Variants in PLXND1 observed in about 807,000 individuals in gnomAD.
PLXND1 encodes the protein plexin D1.
In PLXND1, 54 loss-of-function variants were observed where a neutral mutation model predicts 197.7. That is an observed-to-expected ratio of 0.27 (90% CI 0.22 to 0.34). PLXND1 has a LOEUF of 0.34. Among genes scored for constraint, PLXND1 ranks in the 10% least tolerant of loss-of-function variants. The probability of loss-of-function intolerance (pLI) is 1.00; values close to 1 mark genes in which losing one functional copy is unlikely to be tolerated. For synonymous variants in PLXND1, 1,180 were observed against 1,161.2 expected (o/e 1.02, Z -0.33); for missense variants, 2,127 against 2,699.2 (o/e 0.79, Z 4.70).
chr3:129,561,867 C>G lies in PLXND1; in HGVS notation c.4862G>C (p.Arg1621Pro). 6.2e-7 allele frequency: 1 copy of G among 1,613,972 alleles called. No homozygotes were observed. Among genetic ancestry groups the G allele is most frequent in the Non-Finnish European group, 8.5e-7 (1 of 1,179,950 alleles). The change falls in exon 28 of 36, where the codon CGG becomes CCG. Residue 1621 changes from arginine (R) to proline (P), a missense_variant. Around this residue, in one of 6 missense-constraint regions of PLXND1, gnomAD observed 532 missense variants for 811.0 expected, o/e 0.66. Coordinates refer to ENST00000324093, the MANE Select transcript of PLXND1 (RefSeq NM_015103.3). ...FASSTQSYIL[R>P]DLDDTSVVED... ...CACCACTGAGGTGTCGTCCAGGTCCCGAAGGATGTAGCTCTGTGTGCTGGA... is the reference window on the plus strand; with the variant it reads ...CACCACTGAGGTGTCGTCCAGGTCCGGAAGGATGTAGCTCTGTGTGCTGGA...
At position 129,574,377 on chromosome 3, in the gene PLXND1, G is replaced by A; in HGVS notation, c.2644C>T (p.Gln882Ter). 6.2e-7 allele frequency: 1 copy of A among 1,610,838 alleles called. No homozygotes were observed. Among genetic ancestry groups the A allele is most frequent in the Non-Finnish European group, 8.5e-7 (1 of 1,179,108 alleles). The change falls in exon 12 of 36, where the codon CAG (glutamine) becomes TAG (stop). Residue 882 changes from glutamine to a stop codon, truncating the protein, a stop_gained. Coordinates refer to ENST00000324093, the MANE Select transcript of PLXND1 (RefSeq NM_015103.3). LOFTEE classifies it high-confidence loss of function. ...GCGGGGCAGGTGCCAGCCATGGGCT[G>A]CAGAGGCCCCCGCAGGCGGCAGCCA... Reference protein sequence around the residue: ...SDGCRLRGPLQPMAGTCPAPE... With the variant: ...SDGCRLRGPL
In PLXND1 at chr3:129,556,403, G is replaced by C; in HGVS notation, c.5687C>G (p.Pro1896Arg). ...CTGCAGTTGTGTCCTCCGGGCCGTG[G>C]GGTTGGCCTCCAGCGCGGCCATGAT... The part of the protein sequence containing the change: ...PQIMAALEAN[P>R]TARRTQLQHK... The change falls in exon 36 of 36, where the codon CCC (proline) becomes CGC (arginine). Residue 1896 changes from proline to arginine, a missense_variant. By Grantham distance (103) the Pro-to-Arg change is moderately radical. Coordinates refer to ENST00000324093, the MANE Select transcript of PLXND1 (RefSeq NM_015103.3). 1 of 1,614,168 alleles carries C rather than the reference G, an allele frequency of 6.2e-7. No individual in the cohort carries two copies. Among genetic ancestry groups the C allele is most frequent in the Non-Finnish European group, 8.5e-7 (1 of 1,179,976 alleles).
At chr3:129,562,690 G>A (rs1221339453) in intron 27 of PLXND1, 97 bp downstream of exon 27, 2 of 1,153,430 alleles carry the variant, frequency 1.7e-6, no homozygotes, top group African/African-American at 1.5e-5. Context: ...CCACATTCAT[G>A]CACCCATGCC....
Position 129,574,338 on chromosome 3 carries a change from C to T in PLXND1, c.2683G>A (p.Ala895Thr), listed in dbSNP as rs752323651. The T allele has an allele frequency of 1.4e-5, 23 of 1,597,532 alleles. No homozygotes were observed. Among genetic ancestry groups the T allele is most frequent in the African/African-American group, 4.0e-5 (3 of 74,484 alleles). ...AGTCPAPEIHAIEPLSGPLDG... is the reference protein window; with the variant it reads ...AGTCPAPEIHTIEPLSGPLDG... The stretch of plus-strand genomic sequence containing the variant: ...GTGCCTCCACTGGGCATGCTTACCG[C>T]GTGGATCTCGGGGGCGGGGCAGGTG... Residue 895 changes from alanine to threonine, a missense_variant and splice_region_variant, in exon 12 of 36, where the codon GCG becomes ACG. Ala to Thr is a moderately conservative substitution (Grantham distance 58). This residue lies in a region of PLXND1 where 1,095 missense variants were observed against 1,259.8 expected (regional missense o/e 0.87). Coordinates refer to ENST00000324093, the MANE Select transcript of PLXND1 (RefSeq NM_015103.3).
chr3:129,560,637 G>C (rs923466495), intron 30 of PLXND1, 52 bp downstream of exon 30: 5 of 1,398,146 alleles, frequency 3.6e-6, no homozygotes, highest in African/African-American at 1.4e-5. Context: ...AGAAAGCCAA[G>C]GCCACACCCA....
chr3:129,586,865 G>C (rs2085469493), intron 2 of PLXND1, 146 bp from the exon 3 acceptor site: 2 of 912,702 alleles, frequency 2.2e-6, no homozygotes, highest in East Asian at 5.3e-5. Context: ...GGGCGTGCAG[G>C]GGAGGGCACA....
In PLXND1 at chr3:129,573,716, A is replaced by G. The variant is rs757714408; in HGVS notation, c.2715T>C (p.Gly905=). Residue 905 remains glycine (G), a synonymous_variant, in exon 13 of 36, where the codon GGT becomes GGC. Coordinates refer to ENST00000324093, the MANE Select transcript of PLXND1 (RefSeq NM_015103.3). ...TTCCTCGGATGGTCAGCAGGGTCCC[A>G]CCGTCCAACGGGCCACTCAGGGGCT... is the stretch of plus-strand genomic sequence containing the variant. ...AIEPLSGPLD[G]GTLLTIRGRN... 1.9e-6 allele frequency: 3 copies of G among 1,613,644 alleles called. No individual in the cohort carries two copies. The highest frequency in any genetic ancestry group is 1.7e-6 in the Non-Finnish European group (2 of 1,180,002).
At chr3:129,575,665 G>T (rs773427720) in intron 10 of PLXND1, 101 bp downstream of exon 10, 3 of 1,229,728 alleles carry the variant, frequency 2.4e-6, no homozygotes, top group Non-Finnish European at 3.5e-6. Context: ...GCTGGGGATG[G>T]GGGAACCAGA....
At chr3:129,603,352 C>G (rs2085738306) in intron 1 of PLXND1, among the ~76,000 whole-genome samples, 1 of 152,184 alleles carries the variant, frequency 6.6e-6, no homozygotes, top group Non-Finnish European at 1.5e-5. Flanking sequence ...CCGTGGGAAC[C>G]AGAATGGTTC....
intron 20 of PLXND1, among the ~76,000 whole-genome samples, chr3:129,568,189 C>T (rs549084996): frequency 1.1e-3 from 172 of 152,192 alleles, no homozygotes; most frequent in Admixed American, 2.7e-3. Context: ...TTACTTTCTG[C>T]TTTTGAGCAT....
rs1047067440 is a variant in PLXND1, at chr3:129,556,075, C to G, written c.*237G>C. On this transcript the variant is annotated 3_prime_UTR_variant, in exon 36 of 36. Transcript: ENST00000324093. ...TGGGCAGATGGGGGAGCCTGACCAG[C>G]TCTCTGGCCTCCATCCCAGAGACTG... 1 of 512,242 alleles carries G rather than the reference C, an allele frequency of 2.0e-6. No homozygotes were observed. The highest frequency in any genetic ancestry group is 2.1e-5 in the South Asian group (1 of 47,492). The allele number at this position is 512,242 out of a possible 1,614,324, so 31.7% of individuals were successfully genotyped here. A position where few individuals can be genotyped will look rare whatever the true frequency, so the allele number is the denominator to read the frequency against.
chr3:129,584,270 GC>G, intron 6 of PLXND1, 37 bp from the exon 7 acceptor site: 3 of 1,587,742 alleles, frequency 1.9e-6, no homozygotes, highest in Non-Finnish European at 2.6e-6. Flanking sequence ...GGACATGGGG[GC>G]AGGGGATTGC....
chr3:129,562,722 TC>T, intron 27 of PLXND1, 64 bp downstream of exon 27: 1 of 1,479,502 alleles, frequency 6.8e-7, no homozygotes, highest in Non-Finnish European at 9.2e-7. Flanking sequence ...GTGTTTCCCG[TC>T]AAGGCAGGGG....
intron 8 of PLXND1, among the ~76,000 whole-genome samples, chr3:129,579,202 T>C (rs1408416425): frequency 6.8e-6 from 1 of 146,826 alleles, no homozygotes. Context: ...GGATGAAGGA[T>C]GGAAGGGAGG....
intron 1 of PLXND1, among the ~76,000 whole-genome samples, chr3:129,601,540 G>C (rs2085708425): frequency 6.6e-6 from 1 of 152,120 alleles, no homozygotes; most frequent in Non-Finnish European, 1.5e-5. Context: ...TCGGCCCTGG[G>C]GTCCTGCCCC....
rs78112381 is a variant in PLXND1, at chr3:129,575,106, A to C, written c.2530+363T>G. ...AGCCCCTGGAGAGTGGACCCAACAC[A>C]GACAGTCACAGCAACTGCACAGCTG... On this transcript the variant is annotated intron_variant, in intron 11 of 35. Coordinates refer to ENST00000324093, the MANE Select transcript of PLXND1 (RefSeq NM_015103.3). Among the ~76,000 whole-genome samples the C allele has an allele frequency of 4.6e-3, 706 of 152,288 alleles. 22 individuals are homozygous for C. In the East Asian group the frequency reaches 0.093, roughly 20 times the overall value.
At chr3:129,581,113 C>A (rs1447661985) in intron 8 of PLXND1, among the ~76,000 whole-genome samples, 2 of 152,224 alleles carry the variant, frequency 1.3e-5, no homozygotes, top group Non-Finnish European at 2.9e-5. Context: ...CACCTCCCTT[C>A]CCAGGGACAC....
Position 129,571,771 on chromosome 3 carries a change from A to AGC in PLXND1, c.3149_3150dup (p.Phe1051AlafsTer81), listed in dbSNP as rs764609025. ...CCGTGCACGCAGCCCCGACGCTCGA[A>AGC]GCGCACACACACAGGCACCGGAGCC... On this transcript the variant is annotated frameshift_variant, in exon 16 of 36. Coordinates refer to ENST00000324093, the MANE Select transcript of PLXND1 (RefSeq NM_015103.3). LOFTEE classifies it high-confidence loss of function. The AGC allele has an allele frequency of 1.2e-6, 2 of 1,613,350 alleles. No homozygotes were observed. Among genetic ancestry groups the AGC allele is most frequent in the South Asian group, 1.1e-5 (1 of 91,072 alleles).
Position 129,563,097 on chromosome 3 carries a change from G to C in PLXND1, c.4665C>G (p.Pro1555=), listed in dbSNP as rs764190905. 1.9e-6 allele frequency: 3 copies of C among 1,613,600 alleles called. No individual in the cohort carries two copies. In the Admixed American group the frequency reaches 5.0e-5, roughly 27 times the overall value. ...WLLRENIEAK[P]RNLNVSFQGC... ...CCTCCCCGCCCTGCCGACTTACCCG[G>C]GGCTTGGCCTCGATGTTCTCCCGCA... Residue 1555 remains proline, a synonymous_variant, in exon 26 of 36, where the codon CCC becomes CCG. Transcript: ENST00000324093.
Sources: gnomAD v4.1 joint callset for allele counts (sites outside exome capture counted in the v4.1 genomes callset) on GRCh38, gnomAD v4.1.1 for gene constraint, gnomAD v4.1.1 regional missense constraint, MANE v1.5 for transcripts, NCBI Gene and HGNC (gene_info 2026-07-23, HGNC 2026-07-21) for gene names.